POPDC3: variants seen among roughly 807,000 people sequenced by gnomAD.
The protein encoded by POPDC3 is popeye domain cAMP effector 3.
Under a neutral mutation model 28.2 loss-of-function variants are expected in POPDC3, and 20 were observed. The ratio of observed to expected loss-of-function variants is 0.71; its 90% CI spans 0.50 to 1.03. The LOEUF (loss-of-function observed/expected upper bound fraction) is 1.03, where lower values mean the gene tolerates loss of function less well. Ranked by LOEUF, POPDC3 falls within the 50% of genes least tolerant of loss-of-function variation. The pLI is 0.00. For synonymous variants in POPDC3, 118 were observed against 124.1 expected (o/e 0.95, Z 0.33); for missense variants, 316 against 345.9 (o/e 0.91, Z 0.69).
At chr6:105,177,401 G>C (rs958367361) in intron 1 of POPDC3, among the ~76,000 whole-genome samples, 3 of 151,784 alleles carry the variant, frequency 2.0e-5, no homozygotes, top group African/African-American at 7.3e-5. Flanking sequence ...AGAGAAAATA[G>C]TATACAACAA....
chr6:105,174,371 C>T (rs900662149), intron 1 of POPDC3, among the ~76,000 whole-genome samples: 1 of 152,150 alleles, frequency 6.6e-6, no homozygotes, highest in Non-Finnish European at 1.5e-5. Context: ...GACTTCTCTA[C>T]AGCTACATTA....
intron 1 of POPDC3, chr6:105,166,470 G>A (rs899464081): frequency 9.5e-6 from 4 of 419,348 alleles, no homozygotes; most frequent in Non-Finnish European, 2.0e-5. Context: ...GACAGGTGGG[G>A]GTGGGGGAGG....
chr6:105,176,528 T>A (rs1409636254), intron 1 of POPDC3, among the ~76,000 whole-genome samples: 1 of 151,642 alleles, frequency 6.6e-6, no homozygotes, highest in Non-Finnish European at 1.5e-5. Flanking sequence ...ATTCTATTTT[T>A]TATAAAAGCA....
intron 1 of POPDC3, among the ~76,000 whole-genome samples, chr6:105,175,052 A>G (rs913448930): frequency 2.0e-5 from 3 of 152,004 alleles, no homozygotes; most frequent in African/African-American, 7.3e-5. Context: ...CTGTAATCCC[A>G]GCTACTCAGG....
At position 105,162,163 on chromosome 6, in the gene POPDC3, A is replaced by C. The variant is rs1774350574; in HGVS notation, c.-251-3T>G. On this transcript the variant is annotated splice_polypyrimidine_tract_variant and splice_region_variant and intron_variant, in intron 1 of 3. Transcript: ENST00000254765. ...GTCTGCAAATATTTTGGTATTTCCT[A>C]TGCAAGAGAAAAAAAGATAAAGGAT... 2 of 1,228,234 alleles carry C rather than the reference A, an allele frequency of 1.6e-6. No individual in the cohort carries two copies. Among genetic ancestry groups the C allele is most frequent in the African/African-American group, 3.1e-5 (2 of 64,210 alleles). 76.1% of individuals were successfully genotyped at this position (1,228,234 alleles called of 1,614,324 possible).
chr6:105,162,097 C>T lies in POPDC3; in HGVS notation c.-188G>A. On this transcript the variant is annotated 5_prime_UTR_variant, in exon 2 of 4. Transcript: ENST00000254765. ...ATCTTGAAAAACTAAGAATCCCATG[C>T]TCGCTTCTTTAAGTTCATCTGGGCT... 1 of 1,327,502 alleles carries T rather than the reference C, an allele frequency of 7.5e-7. No homozygotes were observed. The highest frequency in any genetic ancestry group is 9.6e-7 in the Non-Finnish European group (1 of 1,045,254). 82.2% of individuals were successfully genotyped at this position (1,327,502 alleles called of 1,614,324 possible).
intron 1 of POPDC3, chr6:105,163,608 A>G (rs1302520764): frequency 6.6e-6 from 1 of 152,210 alleles, no homozygotes; most frequent in Non-Finnish European, 1.5e-5. Context: ...ATAGGAGAAA[A>G]AATACAGAGG....
intron 1 of POPDC3, among the ~76,000 whole-genome samples, chr6:105,170,213 A>G (rs992641350): frequency 3.3e-5 from 5 of 152,230 alleles, no homozygotes; most frequent in African/African-American, 1.2e-4. Context: ...GGTTAAAGGC[A>G]TAAGCAGGAA....
intron 1 of POPDC3, among the ~76,000 whole-genome samples, chr6:105,163,466 C>CA (rs1774393593): frequency 6.6e-6 from 1 of 152,172 alleles, no homozygotes; most frequent in East Asian, 1.9e-4. Flanking sequence ...GCATTCATGA[C>CA]ATTGATTTTT....
At chr6:105,174,812 T>G (rs1051484982) in intron 1 of POPDC3, among the ~76,000 whole-genome samples, 2 of 152,186 alleles carry the variant, frequency 1.3e-5, no homozygotes, top group African/African-American at 2.4e-5. Flanking sequence ...ATACTTGAGA[T>G]GCCATGGTAA....
chr6:105,167,181 G>A (rs1774474815), intron 1 of POPDC3, among the ~76,000 whole-genome samples: 1 of 151,904 alleles, frequency 6.6e-6, no homozygotes, highest in African/African-American at 2.4e-5. Context: ...ACAGAGGAAC[G>A]AAGAAGGGTT....
chr6:105,163,878 AATT>A (rs1435116739), intron 1 of POPDC3: 1 of 152,158 alleles, frequency 6.6e-6, no homozygotes, highest in Non-Finnish European at 1.5e-5. Context: ...GCATATCCCT[AATT>A]ATTCTCCCCA....
chr6:105,177,332 T>G lies in POPDC3; in HGVS notation c.-252+2501A>C, dbSNP rs551612881. 1.8e-4 allele frequency among the ~76,000 whole-genome samples: 27 copies of G among 148,560 alleles called. No homozygotes were observed. In the South Asian group the frequency reaches 3.4e-3, roughly 18 times the overall value. ...ACTAGAAATAACTCAAAGTGTGGGG[T>G]TTTTTTTTCAGATTCACACTTAAAT... On this transcript the variant is annotated intron_variant, in intron 1 of 3. Transcript: ENST00000254765.
At chr6:105,167,437 T>C (rs908493104) in intron 1 of POPDC3, among the ~76,000 whole-genome samples, 3 of 152,132 alleles carry the variant, frequency 2.0e-5, no homozygotes, top group African/African-American at 7.2e-5. Context: ...CACAATAGAT[T>C]GTGAAGACTG....
At chr6:105,179,176 T>C (rs1774734810) in intron 1 of POPDC3, 1 of 985,350 alleles carries the variant, frequency 1.0e-6, no homozygotes, top group Admixed American at 6.1e-5. Context: ...GACATGGTGA[T>C]AAGACAATTT....
At position 105,159,819 on chromosome 6, in the gene POPDC3, C is replaced by G; in HGVS notation, c.486G>C (p.Arg162Ser). 1 of 1,601,606 alleles carries G rather than the reference C, an allele frequency of 6.2e-7. No homozygotes were observed. Among genetic ancestry groups the G allele is most frequent in the South Asian group, 1.1e-5 (1 of 90,758 alleles). ...IDKLSLLVSG[R>S]IRVTVDGEFL... ...ATTCGCCATCAACTGTCACTCTGAT[C>G]CTATCAAAACACAAGAACAACATTT... Residue 162 changes from arginine (R) to serine (S), a missense_variant and splice_region_variant, in exon 3 of 4, where the codon AGG (arginine) becomes AGC (serine). Transcript: ENST00000254765.
intron 1 of POPDC3, among the ~76,000 whole-genome samples, chr6:105,168,173 C>G (rs1390708515): frequency 6.6e-6 from 1 of 152,252 alleles, no homozygotes. Context: ...GCCAACCCCA[C>G]TACAGCACTT....
intron 3 of POPDC3, among the ~76,000 whole-genome samples, chr6:105,159,246 A>G (rs541684030): frequency 1.3e-5 from 2 of 152,380 alleles, no homozygotes; most frequent in Middle Eastern, 3.4e-3. Context: ...ATTATCTTTC[A>G]AAACTGCCAG....
At chr6:105,173,671 C>T (rs1043575689) in intron 1 of POPDC3, among the ~76,000 whole-genome samples, 2 of 152,144 alleles carry the variant, frequency 1.3e-5, no homozygotes, top group African/African-American at 4.8e-5. Context: ...TTATACCATG[C>T]TACACTTTCA....
Sources: allele counts gnomAD v4.1 joint callset (sites outside exome capture counted in the v4.1 genomes callset), GRCh38; gene constraint gnomAD v4.1.1; transcripts MANE v1.5; gene names NCBI Gene and HGNC (gene_info 2026-07-23, HGNC 2026-07-21).